PAXBP1: variants seen among roughly 807,000 people sequenced by gnomAD.
PAXBP1 encodes the protein PAX3- and PAX7-binding protein 1.
Under a neutral mutation model 119.9 loss-of-function variants are expected in PAXBP1, and 44 were observed. The observed-to-expected ratio is 0.37, with a 90% CI of 0.29 to 0.47. The LOEUF is 0.47. Among genes scored for constraint, PAXBP1 ranks in the 20% least tolerant of loss-of-function variants. The pLI is 0.99. For missense variants in PAXBP1, 898 were observed against 1,134.1 expected (o/e 0.79, Z 2.99); for synonymous variants, 393 against 406.6 (o/e 0.97, Z 0.40).
intron 11 of PAXBP1, 78 bp from the exon 12 acceptor site, chr21:32,745,796 A>G (rs2043863181): frequency 6.5e-7 from 1 of 1,545,356 alleles, no homozygotes; most frequent in Admixed American, 1.8e-5. Context: ...GAGAAACAAG[A>G]ACTGGATTTA....
At chr21:32,770,071 A>C in intron 1 of PAXBP1, 129 bp from the exon 2 acceptor site, 1 of 650,584 alleles carries the variant, frequency 1.5e-6, no homozygotes, top group Non-Finnish European at 2.4e-6. Flanking sequence ...ATCATTGTAT[A>C]ATTATTTCAA....
chr21:32,766,240 C>T (rs2044239411), intron 2 of PAXBP1, among the ~76,000 whole-genome samples: 1 of 152,108 alleles, frequency 6.6e-6, no homozygotes, highest in Non-Finnish European at 1.5e-5. Flanking sequence ...ATGAATGATT[C>T]CTACAAATTT....
At chr21:32,760,548 ATCT>A (rs2044122587) in intron 5 of PAXBP1, among the ~76,000 whole-genome samples, 1 of 152,222 alleles carries the variant, frequency 6.6e-6, no homozygotes, top group South Asian at 2.1e-4. Flanking sequence ...TGAGAAATCC[ATCT>A]TCTTCAAAAT....
At chr21:32,748,401 G>T in intron 11 of PAXBP1, 98 bp downstream of exon 11, 1 of 1,182,274 alleles carries the variant, frequency 8.5e-7, no homozygotes, top group Non-Finnish European at 1.2e-6. Context: ...TATCACCCCT[G>T]CAAAATATTT....
chr21:32,751,789 C>A (rs1181686526), intron 8 of PAXBP1: 1 of 152,256 alleles, frequency 6.6e-6, no homozygotes, highest in Non-Finnish European at 1.5e-5. Context: ...AAATGCTAAT[C>A]TTTCTCTTTC....
chr21:32,752,710 G>A (rs540107517), intron 8 of PAXBP1, among the ~76,000 whole-genome samples: 207 of 152,270 alleles, frequency 1.4e-3, no homozygotes, highest in African/African-American at 4.8e-3. Flanking sequence ...CACAACCTCA[G>A]TTCACTGCAA....
chr21:32,755,372 C>G lies in PAXBP1; in HGVS notation c.1384-19G>C. The G allele has an allele frequency of 6.2e-7, 1 of 1,604,858 alleles. No individual in the cohort carries two copies. Among genetic ancestry groups the G allele is most frequent in the Non-Finnish European group, 8.5e-7 (1 of 1,176,680 alleles). ...GTGGCACCTGTAAAAATACAACACA[C>G]TCCGTAACACCAAACTCCTCAGCTG... On this transcript the variant is annotated intron_variant, in intron 7 of 17. Coordinates refer to ENST00000331923, the MANE Select transcript of PAXBP1 (RefSeq NM_016631.4).
intron 11 of PAXBP1, among the ~76,000 whole-genome samples, chr21:32,747,039 T>C (rs1455971933): frequency 4.0e-4 from 54 of 135,236 alleles, no homozygotes; most frequent in Non-Finnish European, 2.0e-4. Context: ...AATGAGAATA[T>C]ATGGACACAT....
intron 15 of PAXBP1, 162 bp downstream of exon 15, chr21:32,743,086 G>T: frequency 1.4e-6 from 1 of 715,510 alleles, no homozygotes; most frequent in Non-Finnish European, 2.6e-6. Context: ...TATCAAACTT[G>T]AATGAACTTT....
rs369016103 is a variant in PAXBP1, at chr21:32,734,906, T to C, written c.*44A>G. On this transcript the variant is annotated 3_prime_UTR_variant, in exon 18 of 18. Transcript: ENST00000331923. Reference sequence around the variant, plus strand: ...TTTACATATATACAAAATTTACACATTGGGAATGGTAATCAAGCAAATAGG... The same window carrying C: ...TTTACATATATACAAAATTTACACACTGGGAATGGTAATCAAGCAAATAGG... The C allele has an allele frequency of 5.0e-6, 7 of 1,412,090 alleles. No homozygotes were observed. Among genetic ancestry groups the C allele is most frequent in the East Asian group, 2.3e-5 (1 of 43,886 alleles). 87.5% of individuals were successfully genotyped at this position (1,412,090 alleles called of 1,614,324 possible).
intron 1 of PAXBP1, 65 bp from the exon 2 acceptor site, chr21:32,770,007 CATG>C: frequency 6.4e-6 from 8 of 1,247,732 alleles, no homozygotes; most frequent in Non-Finnish European, 8.8e-6. Context: ...CCTTCTTTCA[CATG>C]ATCTTACGTG....
At chr21:32,745,856 AC>A in intron 11 of PAXBP1, 138 bp from the exon 12 acceptor site, 1 of 1,018,414 alleles carries the variant, frequency 9.8e-7, no homozygotes, top group Non-Finnish European at 1.4e-6. Flanking sequence ...ATATCATGCT[AC>A]CAGACTTCAA....
intron 11 of PAXBP1, among the ~76,000 whole-genome samples, chr21:32,745,977 T>A (rs2043866171): frequency 6.6e-6 from 1 of 152,124 alleles, no homozygotes; most frequent in African/African-American, 2.4e-5. Flanking sequence ...CCTACAACCA[T>A]CTGATCTCCG....
rs773746976 is a variant in PAXBP1, at chr21:32,743,234, C to T, written c.2334+14G>A. ...ACGAAATCTGAGTCTTTTAGATAGT[C>T]TATGGACACGTACCTTAACTGAAGA... On this transcript the variant is annotated intron_variant, in intron 15 of 17. Transcript: ENST00000331923. The T allele has an allele frequency of 6.4e-7, 1 of 1,563,602 alleles. No individual in the cohort carries two copies. The highest frequency in any genetic ancestry group is 8.6e-7 in the Non-Finnish European group (1 of 1,156,958).
At chr21:32,768,104 A>C (rs2044273921) in intron 2 of PAXBP1, among the ~76,000 whole-genome samples, 1 of 152,238 alleles carries the variant, frequency 6.6e-6, no homozygotes, top group Non-Finnish European at 1.5e-5. Flanking sequence ...TAACGTTATT[A>C]ACAGGTGGGG....
At chr21:32,744,981 C>T in intron 12 of PAXBP1, 68 bp from the exon 13 acceptor site, 2 of 1,483,706 alleles carry the variant, frequency 1.3e-6, no homozygotes, top group Middle Eastern at 1.7e-4. Context: ...TCAAGCAGAC[C>T]TCTATTAATG....
In PAXBP1 at chr21:32,771,630, C is replaced by T; in HGVS notation, c.39G>A (p.Arg13=). The T allele has an allele frequency of 1.4e-6, 2 of 1,454,424 alleles. No homozygotes were observed. The highest frequency in any genetic ancestry group is 1.8e-6 in the Non-Finnish European group (2 of 1,107,750). 90.1% of individuals were successfully genotyped at this position (1,454,424 alleles called of 1,614,324 possible). The change falls in exon 1 of 18, where the codon CGG becomes CGA. Residue 13 remains arginine (R), a synonymous_variant. Coordinates refer to ENST00000331923, the MANE Select transcript of PAXBP1 (RefSeq NM_016631.4). ...RKARRVNVRK[R]NDSEEEERER... ...CCCGCTCTTCCTCTTCGGAGTCGTTCCGCTTGCGCACGTTCACCCGCCGGG... is the reference window on the plus strand; with the variant it reads ...CCCGCTCTTCCTCTTCGGAGTCGTTTCGCTTGCGCACGTTCACCCGCCGGG...
intron 8 of PAXBP1, among the ~76,000 whole-genome samples, chr21:32,752,366 ACTATACTTCC>A (rs2043970000): frequency 6.6e-6 from 1 of 152,128 alleles, no homozygotes; most frequent in Non-Finnish European, 1.5e-5. Context: ...ACATCTGTCC[ACTATACTTCC>A]CTCATTTCTA....
intron 8 of PAXBP1, 112 bp downstream of exon 8, chr21:32,755,118 T>C (rs2044022594): frequency 2.6e-6 from 3 of 1,163,764 alleles, no homozygotes; most frequent in Middle Eastern, 2.7e-4. Flanking sequence ...AGCAAGGAAA[T>C]TGTTTCTTTA....
Sources: gnomAD v4.1 joint callset for allele counts (sites outside exome capture counted in the v4.1 genomes callset) on GRCh38, gnomAD v4.1.1 for gene constraint, MANE v1.5 for transcripts, NCBI Gene and HGNC (gene_info 2026-07-23, HGNC 2026-07-21) for gene names.